The following BCAS1 variants were observed in gnomAD, a reference collection of about 807,000 sequenced individuals.
BCAS1 encodes brain enriched myelin associated protein 1, also known as breast carcinoma-amplified sequence 1.
A neutral mutation model predicts 65.4 loss-of-function variants in BCAS1; 46 were observed. The observed-to-expected ratio is 0.70, with a 90% CI of 0.55 to 0.90. The LOEUF is 0.90. Ranked by LOEUF, BCAS1 falls within the 40% of genes least tolerant of loss-of-function variation. The pLI is 0.00. For missense variants in BCAS1, 793 were observed against 771.2 expected (o/e 1.03, Z -0.33); for synonymous variants, 298 against 293.5 (o/e 1.02, Z -0.16).
At chr20:54,065,362 C>G (rs1285031472) in intron 1 of BCAS1, among the ~76,000 whole-genome samples, 2 of 152,188 alleles carry the variant, frequency 1.3e-5, no homozygotes, top group African/African-American at 4.8e-5. Flanking sequence ...TTGTTTCTCC[C>G]TCACAATAAG....
intron 3 of BCAS1, among the ~76,000 whole-genome samples, chr20:54,030,461 C>A (rs1430105986): frequency 6.6e-6 from 1 of 152,204 alleles, no homozygotes; most frequent in Non-Finnish European, 1.5e-5. Flanking sequence ...ATGCCTTTGA[C>A]AACATTGCAT....
intron 3 of BCAS1, among the ~76,000 whole-genome samples, chr20:54,032,169 C>T (rs2091814899): frequency 6.6e-6 from 1 of 151,284 alleles, no homozygotes; most frequent in Admixed American, 6.6e-5. Context: ...AGATTGAGGA[C>T]CAATATTCAA....
chr20:53,985,585 G>C, intron 7 of BCAS1, 86 bp from the exon 8 acceptor site: 5 of 1,226,182 alleles, frequency 4.1e-6, no homozygotes, highest in Non-Finnish European at 4.7e-6. Context: ...ATAAACATGG[G>C]CTGAGGTTAT....
Position 54,001,172 on chromosome 20 carries a change from T to C in BCAS1, c.724-5122A>G, listed in dbSNP as rs368634717. Among the ~76,000 whole-genome samples, 24 of 152,352 alleles carry C rather than the reference T, an allele frequency of 1.6e-4. No homozygotes were observed. In the East Asian group the frequency reaches 3.7e-3, roughly 23 times the overall value. On this transcript the variant is annotated intron_variant, in intron 4 of 12. Coordinates refer to ENST00000688948, the MANE Select transcript of BCAS1 (RefSeq NM_001366298.2). ...GGCTTTTAAGATTTGTTCGTGAAAC[T>C]GACTTTGCAAAAATTATGAGTGAAA...
chr20:53,958,412 C>T (rs1441080314), intron 10 of BCAS1, among the ~76,000 whole-genome samples: 1 of 152,146 alleles, frequency 6.6e-6, no homozygotes, highest in Non-Finnish European at 1.5e-5. Context: ...CTCCTCTTCC[C>T]AGCTAAGGGA....
At chr20:54,064,405 C>T (rs539071767) in intron 1 of BCAS1, among the ~76,000 whole-genome samples, 2 of 152,320 alleles carry the variant, frequency 1.3e-5, no homozygotes, top group African/African-American at 4.8e-5. Context: ...GCTCAGGCTT[C>T]GGAGTCCACA....
At chr20:54,029,562 T>G (rs2091756356) in intron 3 of BCAS1, among the ~76,000 whole-genome samples, 1 of 152,254 alleles carries the variant, frequency 6.6e-6, no homozygotes, top group African/African-American at 2.4e-5. Context: ...GGCACTGAGC[T>G]GAAATGTCTT....
rs148853304 is a variant in BCAS1, at chr20:53,950,224, A to G, written c.1815+3208T>C. Among the ~76,000 whole-genome samples, 1,127 of 151,236 alleles carry G rather than the reference A, an allele frequency of 7.5e-3. 5 individuals carry two copies. Among genetic ancestry groups the G allele is most frequent in the Non-Finnish European group, 0.012 (813 of 67,772 alleles). On this transcript the variant is annotated intron_variant, in intron 12 of 12. Coordinates refer to ENST00000688948, the MANE Select transcript of BCAS1 (RefSeq NM_001366298.2). ...CATTCTCCCCCTACCCTACCTCTCC[A>G]CCCTCAGCAACCACGGCCTTGTTTC... is the stretch of plus-strand genomic sequence containing the variant.
At chr20:53,971,042 G>T (rs1834322688) in intron 9 of BCAS1, among the ~76,000 whole-genome samples, 1 of 152,078 alleles carries the variant, frequency 6.6e-6, no homozygotes, top group Admixed American at 6.5e-5. Flanking sequence ...AATTAAAAAG[G>T]TCTAAACCAA....
At chr20:54,019,776 A>G (rs1277144812) in intron 4 of BCAS1, among the ~76,000 whole-genome samples, 1 of 152,186 alleles carries the variant, frequency 6.6e-6, no homozygotes, top group East Asian at 1.9e-4. Context: ...CTTGGACGTT[A>G]GACTCCAGGT....
At chr20:54,053,818 GC>G (rs1422015488) in intron 3 of BCAS1, among the ~76,000 whole-genome samples, 5 of 152,222 alleles carry the variant, frequency 3.3e-5, no homozygotes, top group African/African-American at 1.2e-4. Context: ...TAGCATTCCA[GC>G]CTCTTTGGCT....
chr20:54,024,915 T>C (rs1363118505), intron 4 of BCAS1, among the ~76,000 whole-genome samples: 1 of 152,104 alleles, frequency 6.6e-6, no homozygotes, highest in African/African-American at 2.4e-5. Flanking sequence ...ACACAGAATA[T>C]TGTTCTTATT....
chr20:53,949,837 C>A (rs1439042230), intron 12 of BCAS1, among the ~76,000 whole-genome samples: 1 of 152,078 alleles, frequency 6.6e-6, no homozygotes, highest in Non-Finnish European at 1.5e-5. Context: ...ATGCTGCCAT[C>A]CTAAAGAGAT....
At chr20:54,045,210 C>CAAAAAA (rs11086447) in intron 3 of BCAS1, among the ~76,000 whole-genome samples, 1 of 136,122 alleles carries the variant, frequency 7.3e-6, no homozygotes, top group Non-Finnish European at 1.6e-5. Context: ...GACCTCATCT[C>CAAAAAA]AAAAAAAAAA....
At position 53,954,829 on chromosome 20, in the gene BCAS1, A is replaced by T. The variant is rs550722647; in HGVS notation, c.1552-1134T>A. On this transcript the variant is annotated intron_variant, in intron 11 of 12. Coordinates refer to ENST00000688948, the MANE Select transcript of BCAS1 (RefSeq NM_001366298.2). ...TAGAGCAGGGGAGACTGAATGTTAC[A>T]TGCCCTGTCCAAAGGGCAACAGTTG... 3.9e-5 allele frequency among the ~76,000 whole-genome samples: 6 copies of T among 152,372 alleles called. 1 individual carries two copies. The highest frequency in any genetic ancestry group is 1.4e-4 in the African/African-American group (6 of 41,586).
At chr20:54,042,815 G>A (rs2092024168) in intron 3 of BCAS1, among the ~76,000 whole-genome samples, 1 of 152,232 alleles carries the variant, frequency 6.6e-6, no homozygotes, top group African/African-American at 2.4e-5. Context: ...GGGATTCAAA[G>A]TGGACTGAAC....
chr20:54,006,778 C>T (rs962060863), intron 4 of BCAS1, among the ~76,000 whole-genome samples: 8 of 151,896 alleles, frequency 5.3e-5, no homozygotes, highest in African/African-American at 1.5e-4. Flanking sequence ...GACTTGCCTA[C>T]GGTGTCATGA....
chr20:54,065,792 A>C (rs891739167), intron 1 of BCAS1, among the ~76,000 whole-genome samples: 6 of 152,136 alleles, frequency 3.9e-5, no homozygotes, highest in Non-Finnish European at 5.9e-5. Flanking sequence ...GTGTCTGAGA[A>C]GTGAGGGGTG....
chr20:53,953,184 T>C (rs764625963), intron 12 of BCAS1, among the ~76,000 whole-genome samples: 1 of 152,166 alleles, frequency 6.6e-6, no homozygotes, highest in Non-Finnish European at 1.5e-5. Flanking sequence ...CTCTATGAGT[T>C]AGGCATCATT....
Sources: allele counts gnomAD v4.1 joint callset (sites outside exome capture counted in the v4.1 genomes callset), GRCh38; gene constraint gnomAD v4.1.1; transcripts MANE v1.5; gene names NCBI Gene and HGNC (gene_info 2026-07-23, HGNC 2026-07-21).